Variants in INSC observed in about 807,000 individuals in gnomAD.
INSC encodes protein inscuteable homolog.
A neutral mutation model predicts 58.6 loss-of-function variants in INSC; 67 were observed. The observed-to-expected ratio is 1.14, with a 90% CI of 0.94 to 1.40. The LOEUF (loss-of-function observed/expected upper bound fraction) is 1.40. Ranked by LOEUF, INSC falls within the 40% of genes most tolerant of loss-of-function variation. The probability of loss-of-function intolerance (pLI) is 0.00; values close to 1 mark genes in which losing one functional copy is unlikely to be tolerated. For missense variants in INSC, 714 were observed against 692.0 expected (o/e 1.03, Z -0.36); for synonymous variants, 262 against 276.1 (o/e 0.95, Z 0.51).
chr11:15,114,867 CG>C (rs1276566099), upstream of INSC: 41 of 752,982 alleles, frequency 5.4e-5, no homozygotes, highest in Non-Finnish European at 5.7e-5. Flanking sequence ...GAGAACGGGG[CG>C]GGGGGTGGGG....
intron 12 of INSC, among the ~76,000 whole-genome samples, chr11:15,241,066 G>T (rs1437250824): frequency 1.3e-5 from 2 of 152,128 alleles, no homozygotes; most frequent in African/African-American, 4.8e-5. Context: ...ACAAGCAAGT[G>T]TCTCCTAGGA....
rs758251978 is a variant in INSC at position 15,238,981 on chromosome 11, G to A, written c.1300G>A (p.Ala434Thr). ...AAGGTCTGGGACTCCTGCTGAAGTG[G>A]CAGCCTGTGAGCGAGTCCAGCAGAA... ...KPRSGTPAEV[A>T]ACERVQQKAA... The change falls in exon 11 of 13, where the codon GCA (alanine) becomes ACA (threonine). Residue 434 changes from alanine to threonine, a missense_variant. Ala to Thr is a moderately conservative substitution (Grantham distance 58). Transcript: ENST00000379556. 1.9e-6 allele frequency: 3 copies of A among 1,614,088 alleles called. No homozygotes were observed. The highest frequency in any genetic ancestry group is 2.5e-6 in the Non-Finnish European group (3 of 1,180,016).
At chr11:15,215,986 T>C (rs1236838607) in intron 7 of INSC, among the ~76,000 whole-genome samples, 2 of 152,172 alleles carry the variant, frequency 1.3e-5, no homozygotes, top group Non-Finnish European at 2.9e-5. Context: ...TTTGGAATTA[T>C]ATATAAAATG....
the INSC span, among the ~76,000 whole-genome samples, chr11:15,258,054 A>C: frequency 6.6e-6 from 1 of 152,228 alleles, no homozygotes; most frequent in Non-Finnish European, 1.5e-5. Context: ...TTAATAATAA[A>C]ATAAAAGACC....
chr11:15,112,740 G>A (rs1847599543), upstream of INSC, among the ~76,000 whole-genome samples: 2 of 151,946 alleles, frequency 1.3e-5, no homozygotes, highest in Non-Finnish European at 2.9e-5. Flanking sequence ...ACAGAGTTTG[G>A]GCCTGGAAAT....
At chr11:15,141,596 G>A (rs1848372869) in intron 1 of INSC, among the ~76,000 whole-genome samples, 1 of 152,160 alleles carries the variant, frequency 6.6e-6, no homozygotes, top group Admixed American at 6.5e-5. Context: ...CAGCAGGGCT[G>A]AGTGGCAGCT....
chr11:15,215,860 A>G (rs1851197962), intron 7 of INSC, among the ~76,000 whole-genome samples: 1 of 152,130 alleles, frequency 6.6e-6, no homozygotes, highest in Admixed American at 6.5e-5. Context: ...TTCACAGAGG[A>G]AGTGACATCT....
At chr11:15,177,458 C>G (rs111697087) in intron 4 of INSC, among the ~76,000 whole-genome samples, 41 of 152,288 alleles carry the variant, frequency 2.7e-4, no homozygotes, top group Non-Finnish European at 5.0e-4. Flanking sequence ...GGAAGACCCA[C>G]AGATCCCCAA....
At chr11:15,234,061 C>G (rs1852028787) in intron 9 of INSC, among the ~76,000 whole-genome samples, 1 of 152,216 alleles carries the variant, frequency 6.6e-6, no homozygotes, top group East Asian at 1.9e-4. Context: ...CCTCTAAGTC[C>G]TAAACCTCCT....
chr11:15,114,420 G>A (rs1299715085), upstream of INSC, among the ~76,000 whole-genome samples: 7 of 152,298 alleles, frequency 4.6e-5, no homozygotes, highest in Admixed American at 3.3e-4. Context: ...CATTCTAGGC[G>A]TTTGGGGTCT....
At chr11:15,160,604 T>G (rs964513371) in intron 2 of INSC, among the ~76,000 whole-genome samples, 1 of 152,178 alleles carries the variant, frequency 6.6e-6, no homozygotes. Context: ...AAGTCATTCA[T>G]GAGTTAATGA....
rs553857364 is a variant in INSC, at chr11:15,239,644, G to A, written c.1393+570G>A. On this transcript the variant is annotated intron_variant, in intron 11 of 12. Transcript: ENST00000379556. ...ATTGTCCTGACCCCAGGGGCTCACA[G>A]CCTCATGGAGGTGACAGATAAAAAA... Among the ~76,000 whole-genome samples the A allele has an allele frequency of 7.2e-5, 11 of 152,304 alleles. No homozygotes were observed. The East Asian group carries it at 2.1e-3, about 29-fold the overall frequency.
intron 7 of INSC, among the ~76,000 whole-genome samples, chr11:15,212,954 A>G (rs1407648004): frequency 6.6e-6 from 1 of 152,230 alleles, no homozygotes; most frequent in African/African-American, 2.4e-5. Context: ...ATTATTAAGT[A>G]TGATACCATT....
chr11:15,177,101 T>G lies in INSC; in HGVS notation c.403-10T>G, dbSNP rs1379128090. The G allele has an allele frequency of 1.2e-6, 2 of 1,613,346 alleles. No individual in the cohort carries two copies. The highest frequency in any genetic ancestry group is 1.7e-6 in the Non-Finnish European group (2 of 1,179,452). On this transcript the variant is annotated splice_polypyrimidine_tract_variant and intron_variant, in intron 3 of 12. Coordinates refer to ENST00000379556, the MANE Select transcript of INSC (RefSeq NM_001042536.3). ...ACTGAGTTGAATAAAATGGACTTAT[T>G]TTTCTACAGATTGAGAAGCTGCTAA...
chr11:15,215,109 G>C (rs528189243), intron 7 of INSC, among the ~76,000 whole-genome samples: 15 of 152,316 alleles, frequency 9.8e-5, no homozygotes, highest in African/African-American at 3.4e-4. Context: ...CCAGACTCCA[G>C]GTGCATCAGC....
At chr11:15,149,823 C>A (rs200650080) in intron 2 of INSC, among the ~76,000 whole-genome samples, 7 of 152,142 alleles carry the variant, frequency 4.6e-5, no homozygotes, top group Non-Finnish European at 1.0e-4. Flanking sequence ...GTGGCTGGTC[C>A]TGGAGCCTGA....
intron 1 of INSC, among the ~76,000 whole-genome samples, chr11:15,147,960 A>G (rs576425223): frequency 1.3e-5 from 2 of 152,364 alleles, no homozygotes; most frequent in African/African-American, 4.8e-5. Flanking sequence ...CAGAATCTGC[A>G]TATTCCTCAG....
intron 4 of INSC, among the ~76,000 whole-genome samples, chr11:15,177,998 C>T (rs985191547): frequency 1.3e-5 from 2 of 152,202 alleles, no homozygotes; most frequent in South Asian, 4.1e-4. Context: ...CTTCATCTCC[C>T]ACCCCAACAT....
At chr11:15,162,614 G>A (rs190059647) in intron 2 of INSC, among the ~76,000 whole-genome samples, 14 of 152,256 alleles carry the variant, frequency 9.2e-5, no homozygotes, top group Admixed American at 8.5e-4. Flanking sequence ...CTGCTATGAT[G>A]TACTCTCCAC....
Sources: gnomAD v4.1 joint callset for allele counts (sites outside exome capture counted in the v4.1 genomes callset) on GRCh38, gnomAD v4.1.1 for gene constraint, MANE v1.5 for transcripts, NCBI Gene and HGNC (gene_info 2026-07-23, HGNC 2026-07-21) for gene names.